The following MKLN1 variants were observed in gnomAD, a reference collection of about 807,000 sequenced individuals.
MKLN1 encodes the protein muskelin 1, also known as muskelin.
A neutral mutation model predicts 99.0 loss-of-function variants in MKLN1; 18 were observed. That is an observed-to-expected ratio of 0.18 (90% CI 0.13 to 0.27). The LOEUF is 0.27. Among genes scored for constraint, MKLN1 ranks in the 10% least tolerant of loss-of-function variants. The pLI is 1.00. For missense variants in MKLN1, 621 were observed against 875.9 expected (o/e 0.71, Z 3.67); for synonymous variants, 288 against 293.2 (o/e 0.98, Z 0.18).
At chr7:131,156,462 A>G (rs1202740008) in intron 2 of MKLN1, among the ~76,000 whole-genome samples, 1 of 150,926 alleles carries the variant, frequency 6.6e-6, no homozygotes, top group East Asian at 1.9e-4. Flanking sequence ...AAAAAAAAAA[A>G]AAAAAAAAGA....
At chr7:131,126,603 G>A (rs1044283498) in intron 1 of MKLN1, among the ~76,000 whole-genome samples, 1 of 152,134 alleles carries the variant, frequency 6.6e-6, no homozygotes, top group Non-Finnish European at 1.5e-5. Context: ...ACCCAGGCTG[G>A]AGTGCAGTGG....
At chr7:131,211,115 C>T (rs1796901198) in intron 3 of MKLN1, among the ~76,000 whole-genome samples, 1 of 152,026 alleles carries the variant, frequency 6.6e-6, no homozygotes, top group African/African-American at 2.4e-5. Context: ...GTGAAAATTT[C>T]CCACTAACTT....
chr7:131,458,635 CTT>C (rs1184768700), intron 12 of MKLN1, among the ~76,000 whole-genome samples: 1 of 152,110 alleles, frequency 6.6e-6, no homozygotes, highest in Non-Finnish European at 1.5e-5. Flanking sequence ...GCCACCGTCT[CTT>C]ATATCTCATG....
At chr7:131,318,961 C>A (rs962183126) in intron 3 of MKLN1, among the ~76,000 whole-genome samples, 1 of 152,116 alleles carries the variant, frequency 6.6e-6, no homozygotes, top group Non-Finnish European at 1.5e-5. Flanking sequence ...TAATAGCCTA[C>A]CAACCAAAAA....
At chr7:131,280,860 G>A (rs1421555695) in intron 3 of MKLN1, among the ~76,000 whole-genome samples, 2 of 152,064 alleles carry the variant, frequency 1.3e-5, no homozygotes, top group Admixed American at 6.6e-5. Context: ...ATGTTGACCA[G>A]GCTGTCTTTG....
Position 131,124,198 on chromosome 7 carries a change from G to A in MKLN1, c.-419+13991G>A, listed in dbSNP as rs181487634. ...GGGAAATGGTAGACAATGAGTAAAT[G>A]GTAGCTGTTGTTGTAGTATTACAGC... On this transcript the variant is annotated intron_variant, in intron 1 of 7. Transcript: ENST00000416992. Among the ~76,000 whole-genome samples, 197 of 152,272 alleles carry A rather than the reference G, an allele frequency of 1.3e-3. 1 individual carries two copies. The highest frequency in any genetic ancestry group is 4.5e-3 in the African/African-American group (188 of 41,536).
chr7:131,251,113 G>T (rs1406432959), intron 3 of MKLN1, among the ~76,000 whole-genome samples: 1 of 151,034 alleles, frequency 6.6e-6, no homozygotes, highest in Non-Finnish European at 1.5e-5. Flanking sequence ...GTGTGTGTGT[G>T]TGTGTGTGTG....
In MKLN1 at chr7:131,128,195, G is replaced by A. The variant is rs539764134; in HGVS notation, c.-418-14625G>A. Among the ~76,000 whole-genome samples, 93 of 143,076 alleles carry A rather than the reference G, an allele frequency of 6.5e-4. 1 individual carries two copies. Among genetic ancestry groups the A allele is most frequent in the Admixed American group, 7.2e-4 (10 of 13,918 alleles). 93.9% of individuals were successfully genotyped at this position (143,076 alleles called of 152,430 possible). A position where few individuals can be genotyped will look rare whatever the true frequency, so the allele number is the denominator to read the frequency against. On this transcript the variant is annotated intron_variant, in intron 1 of 7. Coordinates refer to the MKLN1 transcript ENST00000416992. The stretch of plus-strand genomic sequence containing the variant: ...CATAAAGAGAAGGGACCGAAGTATC[G>A]CCTCTGATTCAAAAAAAAAAAAAAA...
At chr7:131,209,558 C>T (rs1330672127) in intron 3 of MKLN1, among the ~76,000 whole-genome samples, 1 of 152,144 alleles carries the variant, frequency 6.6e-6, no homozygotes, top group Non-Finnish European at 1.5e-5. Flanking sequence ...ATGGTGATGC[C>T]ATTTAGTGAG....
chr7:131,182,521 C>T (rs1049676174), intron 2 of MKLN1, among the ~76,000 whole-genome samples: 1 of 152,212 alleles, frequency 6.6e-6, no homozygotes. Flanking sequence ...AACCCTAAGA[C>T]CAAACCTTAT....
At chr7:131,470,972 A>T in intron 16 of MKLN1, 28 bp downstream of exon 16, 1 of 1,472,088 alleles carries the variant, frequency 6.8e-7, no homozygotes, top group Non-Finnish European at 9.4e-7. Context: ...TAAATTTCAG[A>T]AATTAAGTAT....
chr7:131,162,000 T>TGG (rs1796060927), intron 2 of MKLN1, among the ~76,000 whole-genome samples: 1 of 127,036 alleles, frequency 7.9e-6, no homozygotes, highest in Non-Finnish European at 1.7e-5. Flanking sequence ...TATATATATA[T>TGG]GTAACAGAGT....
chr7:131,161,012 C>A (rs1796040386), intron 2 of MKLN1, among the ~76,000 whole-genome samples: 1 of 152,122 alleles, frequency 6.6e-6, no homozygotes, highest in Non-Finnish European at 1.5e-5. Context: ...GTCATTGACA[C>A]TCCATGTGTG....
chr7:131,351,973 T>G (rs199890531), intron 1 of MKLN1, among the ~76,000 whole-genome samples: 2 of 152,194 alleles, frequency 1.3e-5, no homozygotes, highest in East Asian at 1.9e-4. Flanking sequence ...AAATTTTCCC[T>G]TGTCTATTTG....
At chr7:131,437,486 A>T (rs1032648329) in intron 9 of MKLN1, among the ~76,000 whole-genome samples, 1 of 152,194 alleles carries the variant, frequency 6.6e-6, no homozygotes, top group African/African-American at 2.4e-5. Context: ...ATATGGTAGA[A>T]ACCGTATAGA....
rs779406293 is a variant in MKLN1 at position 131,489,658 on chromosome 7, T to A, written c.*1930T>A. 1.1e-4 allele frequency: 16 copies of A among 152,158 alleles called. No individual in the cohort carries two copies. Among genetic ancestry groups the A allele is most frequent in the Non-Finnish European group, 2.1e-4 (14 of 68,012 alleles). The allele number at this position is 152,158 out of a possible 1,614,324, so 9.4% of individuals were successfully genotyped here. ...TGTGAATTCTGGCACTTTAAAAAGA[T>A]TAAGCAAGTGAAATTCTGCTGCCCT... On this transcript the variant is annotated 3_prime_UTR_variant, in exon 18 of 18. Transcript: ENST00000352689.
intron 2 of MKLN1, among the ~76,000 whole-genome samples, chr7:131,153,804 A>G (rs1366149641): frequency 6.6e-6 from 1 of 151,802 alleles, no homozygotes; most frequent in Non-Finnish European, 1.5e-5. Context: ...CTAGGATTAC[A>G]GGCGTGCACC....
chr7:131,168,487 C>T (rs2164203), intron 2 of MKLN1, among the ~76,000 whole-genome samples: 37,202 of 152,048 alleles, frequency 0.24, 4,955 homozygotes, highest in East Asian at 0.57. Context: ...TAATGTCCCC[C>T]TCTATTTTTC....
intron 2 of MKLN1, among the ~76,000 whole-genome samples, chr7:131,152,790 G>A (rs914982533): frequency 6.6e-6 from 1 of 151,898 alleles, no homozygotes; most frequent in African/African-American, 2.4e-5. Context: ...TTTGCTTGTT[G>A]AAGCAAGATC....
Sources: gnomAD v4.1 joint callset for allele counts (sites outside exome capture counted in the v4.1 genomes callset) on GRCh38, gnomAD v4.1.1 for gene constraint, MANE v1.5 for transcripts, NCBI Gene and HGNC (gene_info 2026-07-23, HGNC 2026-07-21) for gene names.